Variants in SDK1 observed in about 807,000 individuals in gnomAD.
The protein encoded by SDK1 is sidekick cell adhesion molecule 1.
A neutral mutation model predicts 245.5 loss-of-function variants in SDK1; 157 were observed. The observed-to-expected ratio is 0.64, with a 90% CI of 0.56 to 0.73. The LOEUF is 0.73. Among genes scored for constraint, SDK1 ranks in the 30% least tolerant of loss-of-function variants. The pLI, the probability that SDK1 is intolerant of heterozygous loss-of-function variation, is 0.00. For synonymous variants in SDK1, 1,647 were observed against 1,278.5 expected (o/e 1.29, Z -6.15); for missense variants, 3,583 against 3,002.3 (o/e 1.19, Z -4.52).
At chr7:3,503,995 C>G (rs1373290288) in intron 1 of SDK1, among the ~76,000 whole-genome samples, 5 of 151,686 alleles carry the variant, frequency 3.3e-5, no homozygotes, top group African/African-American at 1.2e-4. Flanking sequence ...ACTAAAAATA[C>G]AAAAATTAGC....
intron 25 of SDK1, among the ~76,000 whole-genome samples, chr7:4,120,945 G>GAAAAAAA (rs1784022382): frequency 6.9e-6 from 1 of 144,848 alleles, no homozygotes; most frequent in African/African-American, 2.6e-5. Context: ...AAAAAAAAAA[G>GAAAAAAA]AAAGAAACCT....
At chr7:3,502,064 A>G (rs1782232147) in intron 1 of SDK1, among the ~76,000 whole-genome samples, 1 of 152,126 alleles carries the variant, frequency 6.6e-6, no homozygotes, top group Non-Finnish European at 1.5e-5. Context: ...GATTTCTATA[A>G]TTAAAAATAT....
chr7:4,262,018 C>CTTT (rs34610558), intron 44 of SDK1, among the ~76,000 whole-genome samples: 601 of 59,270 alleles, frequency 0.01, 75 homozygotes, highest in African/African-American at 0.032. Flanking sequence ...CTGCTTTCTC[C>CTTT]TTTTTTTTTT....
intron 4 of SDK1, among the ~76,000 whole-genome samples, chr7:3,669,036 A>G (rs964299622): frequency 6.6e-6 from 1 of 152,216 alleles, no homozygotes; most frequent in Admixed American, 6.5e-5. Flanking sequence ...CAAGAAGTTT[A>G]CCACTTACCA....
chr7:4,230,075 G>GGAAGGAAT (rs1785654187), intron 40 of SDK1, among the ~76,000 whole-genome samples: 1 of 145,054 alleles, frequency 6.9e-6, no homozygotes, highest in Admixed American at 7.0e-5. Context: ...AAGGAAGGAA[G>GGAAGGAAT]GAAGGAAGGG....
intron 1 of SDK1, among the ~76,000 whole-genome samples, chr7:3,398,833 T>C (rs1778805179): frequency 1.3e-5 from 2 of 149,468 alleles, no homozygotes; most frequent in Admixed American, 1.3e-4. Context: ...GAGTTACCAC[T>C]TAAGTGTTCC....
rs116063983 is a variant in SDK1 at position 3,485,008 on chromosome 7, G to T, written c.299-134072G>T. The stretch of plus-strand genomic sequence containing the variant: ...TGATAGACTAATTTCCTTTCTTTTG[G>T]GTATATACCCAGCAGCGGAATTGCT... On this transcript the variant is annotated intron_variant, in intron 1 of 44. Transcript: ENST00000404826. 4.1e-3 allele frequency among the ~76,000 whole-genome samples: 619 copies of T among 152,038 alleles called. 7 individuals are homozygous for T. Among genetic ancestry groups the T allele is most frequent in the African/African-American group, 0.014 (579 of 41,460 alleles).
intron 23 of SDK1, among the ~76,000 whole-genome samples, chr7:4,112,445 C>G (rs578072933): frequency 3.9e-5 from 6 of 152,326 alleles, no homozygotes; most frequent in African/African-American, 1.4e-4. Context: ...ATTTTCCTTT[C>G]ACCCCTCATT....
chr7:3,346,420 G>A (rs982495814), intron 1 of SDK1, among the ~76,000 whole-genome samples: 3 of 152,278 alleles, frequency 2.0e-5, no homozygotes, highest in East Asian at 1.9e-4. Context: ...TACAACGTAC[G>A]TATGGTCCTG....
intron 5 of SDK1, among the ~76,000 whole-genome samples, chr7:3,882,463 T>G (rs1413158586): frequency 1.3e-5 from 2 of 152,270 alleles, no homozygotes; most frequent in Admixed American, 6.5e-5. Context: ...TTTTATCATC[T>G]GACCCCAAAC....
intron 5 of SDK1, among the ~76,000 whole-genome samples, chr7:3,857,108 C>T (rs934934451): frequency 6.6e-6 from 1 of 151,952 alleles, no homozygotes; most frequent in South Asian, 2.1e-4. Context: ...CTCTTAGTCA[C>T]CTGGGTATAG....
rs140533762 is a variant in SDK1, at chr7:4,055,816, T to C, written c.2911+3986T>C. On this transcript the variant is annotated intron_variant, in intron 19 of 44. Transcript: ENST00000404826. ...ATGCTTTAGCTGCATCCCAGATGTT[T>C]TGACACTCTATGCTTTCATTTTCAT... 3.2e-3 allele frequency among the ~76,000 whole-genome samples: 487 copies of C among 152,318 alleles called. 2 individuals are homozygous for C. Among genetic ancestry groups the C allele is most frequent in the Non-Finnish European group, 5.2e-3 (357 of 68,036 alleles).
At chr7:3,625,239 C>G (rs1782076444) in intron 2 of SDK1, among the ~76,000 whole-genome samples, 1 of 152,010 alleles carries the variant, frequency 6.6e-6, no homozygotes, top group Non-Finnish European at 1.5e-5. Flanking sequence ...GGAGAAAGTA[C>G]AAAAGCATTG....
intron 1 of SDK1, among the ~76,000 whole-genome samples, chr7:3,314,262 G>T (rs1407864232): frequency 6.6e-6 from 1 of 152,208 alleles, no homozygotes; most frequent in African/African-American, 2.4e-5. Context: ...ATCAACAGGA[G>T]TGAGGAACCC....
chr7:3,307,390 G>C (rs1779443080), intron 1 of SDK1, among the ~76,000 whole-genome samples: 1 of 152,174 alleles, frequency 6.6e-6, no homozygotes, highest in South Asian at 2.1e-4. Flanking sequence ...AAATGCAAAA[G>C]TCTGTCACAG....
At chr7:3,692,788 A>G (rs927463087) in intron 4 of SDK1, among the ~76,000 whole-genome samples, 8 of 152,158 alleles carry the variant, frequency 5.3e-5, no homozygotes, top group African/African-American at 1.9e-4. Context: ...CCTGTATTCT[A>G]GAATCGCATC....
rs181941568 is a variant in SDK1, at chr7:3,732,733, G to A, written c.714-88717G>A. 5.3e-5 allele frequency among the ~76,000 whole-genome samples: 8 copies of A among 152,306 alleles called. No individual in the cohort carries two copies. In the East Asian group the frequency reaches 1.5e-3, roughly 29 times the overall value. On this transcript the variant is annotated intron_variant, in intron 4 of 44. Transcript: ENST00000404826. The stretch of plus-strand genomic sequence containing the variant: ...GAAATATAATTTGGTGACAGAGAGG[G>A]TACGAAAACTTTAATTCAAGATGCC...
chr7:4,084,204 T>G (rs1184415572), intron 22 of SDK1, among the ~76,000 whole-genome samples: 1 of 152,224 alleles, frequency 6.6e-6, no homozygotes, highest in Non-Finnish European at 1.5e-5. Flanking sequence ...TAATTACCAG[T>G]TTCCAGGGTG....
intron 1 of SDK1, among the ~76,000 whole-genome samples, chr7:3,389,884 A>G (rs535650622): frequency 4.4e-4 from 67 of 152,318 alleles, no homozygotes; most frequent in African/African-American, 1.4e-3. Flanking sequence ...TTTGAGGTAC[A>G]TGATTAAAAA....
Sources: allele counts gnomAD v4.1 joint callset (sites outside exome capture counted in the v4.1 genomes callset), GRCh38; gene constraint gnomAD v4.1.1; transcripts MANE v1.5; gene names NCBI Gene and HGNC (gene_info 2026-07-23, HGNC 2026-07-21).